The following FRAS1 variants were observed in gnomAD, a reference collection of about 807,000 sequenced individuals.
The protein encoded by FRAS1 is extracellular matrix organizing protein FRAS1.
A neutral mutation model predicts 435.2 loss-of-function variants in FRAS1; 290 were observed. The ratio of observed to expected loss-of-function variants is 0.67; its 90% CI spans 0.61 to 0.73. FRAS1 has a LOEUF of 0.73. Ranked by LOEUF, FRAS1 falls within the 30% of genes least tolerant of loss-of-function variation. The pLI is 0.00. For missense variants in FRAS1, 4,860 were observed against 5,001.5 expected, an observed-to-expected ratio of 0.97 and a Z score of 0.85; for synonymous variants, 1,800 against 1,851.0, an observed-to-expected ratio of 0.97 and a Z score of 0.71.
chr4:78,213,244 C>A (rs1723593903), intron 2 of FRAS1, among the ~76,000 whole-genome samples: 1 of 152,220 alleles, frequency 6.6e-6, no homozygotes, highest in Admixed American at 6.5e-5. Context: ...ATCCATACAT[C>A]CCTCAAGGTT....
At chr4:78,064,029 C>T (rs1739877358) in intron 1 of FRAS1, among the ~76,000 whole-genome samples, 1 of 151,750 alleles carries the variant, frequency 6.6e-6, no homozygotes, top group African/African-American at 2.4e-5. Flanking sequence ...TTTTAGTACA[C>T]ACATCACACA....
intron 1 of FRAS1, among the ~76,000 whole-genome samples, chr4:78,065,058 G>A (rs1346399622): frequency 2.5e-5 from 3 of 119,910 alleles, no homozygotes; most frequent in African/African-American, 6.5e-5. Context: ...GTTTTATAGT[G>A]TATATATATA....
At chr4:78,138,687 C>A (rs548066801) in intron 2 of FRAS1, among the ~76,000 whole-genome samples, 1 of 152,102 alleles carries the variant, frequency 6.6e-6, no homozygotes, top group East Asian at 1.9e-4. Flanking sequence ...AGTATCTCTC[C>A]CCTAGGGTTG....
rs1720939554 is a variant in FRAS1, at chr4:78,508,939, G to A, written c.9713G>A (p.Gly3238Asp). The change falls in exon 63 of 74, where the codon GGC becomes GAC. Residue 3238 changes from glycine to aspartate, a missense_variant. Transcript: ENST00000512123. ...TGGGAAGTGGCTGCCCCCACTGATG[G>A]CAATGGGGCCCGGTCTCCCTTTGAA... ...FSWEVAAPTD[G>D]NGARSPFETI... is the part of the protein sequence containing the mutation. 1 of 1,613,804 alleles carries A rather than the reference G, an allele frequency of 6.2e-7. No individual in the cohort carries two copies. Among genetic ancestry groups the A allele is most frequent in the Admixed American group, 1.7e-5 (1 of 59,994 alleles).
At chr4:78,356,826 C>A (rs994818440) in intron 20 of FRAS1, among the ~76,000 whole-genome samples, 4 of 152,028 alleles carry the variant, frequency 2.6e-5, no homozygotes, top group Non-Finnish European at 5.9e-5. Context: ...TCATTTAAAT[C>A]TATAACAAAA....
In FRAS1 at chr4:78,057,711, G is replaced by A. The variant is rs778044032; in HGVS notation, c.-299G>A. ...CAACTTTCCGGCGAGATTTTGACGC[G>A]GAGAACTGTGCTCTGCCTCCTCTTA... On this transcript the variant is annotated 5_prime_UTR_variant, in exon 1 of 74. Transcript: ENST00000512123. This position sits in a 1 kb window ranked among gnomAD's most constrained non-coding sequence, Gnocchi z 4.2. 4.5e-6 allele frequency: 2 copies of A among 439,610 alleles called. No homozygotes were observed. The allele number at this position is 439,610 out of a possible 1,614,324, so 27.2% of individuals were successfully genotyped here. A position where few individuals can be genotyped will look rare whatever the true frequency, so the allele number is the denominator to read the frequency against.
chr4:78,209,050 T>G (rs1723389867), intron 2 of FRAS1, among the ~76,000 whole-genome samples: 1 of 151,630 alleles, frequency 6.6e-6, no homozygotes, highest in Non-Finnish European at 1.5e-5. Flanking sequence ...GAGGCTGAGG[T>G]GGGAGGATTT....
At chr4:78,475,297 C>A in intron 53 of FRAS1, 141 bp from the exon 54 acceptor site, 1 of 774,682 alleles carries the variant, frequency 1.3e-6, no homozygotes. Context: ...CAATTTACAG[C>A]CTGGATTCTT....
At chr4:78,438,451 CA>C in intron 38 of FRAS1, 118 bp from the exon 39 acceptor site, 1 of 968,340 alleles carries the variant, frequency 1.0e-6, no homozygotes, top group Admixed American at 2.8e-5. Flanking sequence ...GACTTTAAGA[CA>C]AAGAGAAAGA....
chr4:78,269,360 G>A (rs1285187163), intron 9 of FRAS1, among the ~76,000 whole-genome samples: 1 of 152,226 alleles, frequency 6.6e-6, no homozygotes, highest in African/African-American at 2.4e-5. Flanking sequence ...CACAGTGGAA[G>A]TGCCCTTTTG....
At chr4:78,059,873 C>T (rs1346902855) in intron 1 of FRAS1, among the ~76,000 whole-genome samples, 3 of 31,720 alleles carry the variant, frequency 9.5e-5, no homozygotes, top group Non-Finnish European at 1.8e-4. Context: ...GCACAGAAAG[C>T]TGGGGGTAGA....
chr4:78,406,508 A>G (rs915505141), intron 30 of FRAS1, among the ~76,000 whole-genome samples: 3 of 152,194 alleles, frequency 2.0e-5, no homozygotes, highest in African/African-American at 7.2e-5. Context: ...TAAACCCATC[A>G]GATCTCGTGA....
chr4:78,286,570 G>A (rs1192026593), intron 14 of FRAS1, 31 bp downstream of exon 14: 1 of 1,605,708 alleles, frequency 6.2e-7, no homozygotes, highest in Admixed American at 1.7e-5. Flanking sequence ...AGTTGGGCCA[G>A]CTACCAAGAC....
intron 2 of FRAS1, among the ~76,000 whole-genome samples, chr4:78,122,269 T>G (rs1347692887): frequency 1.3e-5 from 2 of 152,200 alleles, no homozygotes; most frequent in Non-Finnish European, 2.9e-5. Flanking sequence ...GAATGATGGT[T>G]TCCAGCTTCA....
chr4:78,319,096 C>T, intron 18 of FRAS1, 110 bp downstream of exon 18: 1 of 1,116,136 alleles, frequency 9.0e-7, no homozygotes, highest in South Asian at 1.4e-5. Flanking sequence ...AGAATGGTTC[C>T]TAGATGCTTG....
At chr4:78,369,020 G>A (rs72867921) in intron 22 of FRAS1, among the ~76,000 whole-genome samples, 156 of 152,300 alleles carry the variant, frequency 1.0e-3, no homozygotes, top group African/African-American at 3.4e-3. Flanking sequence ...ATTGCAAGGG[G>A]GTCAGAGCGG....
chr4:78,454,754 G>T (rs1719136572), intron 47 of FRAS1, among the ~76,000 whole-genome samples: 1 of 152,162 alleles, frequency 6.6e-6, no homozygotes, highest in Non-Finnish European at 1.5e-5. Flanking sequence ...AGCAGCCCCA[G>T]CTCTTCCCTG....
At chr4:78,213,663 T>G (rs1428046717) in intron 2 of FRAS1, among the ~76,000 whole-genome samples, 2 of 152,204 alleles carry the variant, frequency 1.3e-5, no homozygotes, top group Non-Finnish European at 2.9e-5. Flanking sequence ...GGTGATTTTT[T>G]TTTTACTGGA....
intron 42 of FRAS1, 84 bp from the exon 43 acceptor site, chr4:78,446,642 TA>T: frequency 6.7e-7 from 1 of 1,496,162 alleles, no homozygotes; most frequent in South Asian, 1.4e-5. Flanking sequence ...AACATTTCTG[TA>T]GCAATGATAC....
Sources: allele counts gnomAD v4.1 joint callset (sites outside exome capture counted in the v4.1 genomes callset), GRCh38; gene constraint gnomAD v4.1.1; non-coding constraint Gnocchi (gnomAD v3.1); transcripts MANE v1.5; gene names NCBI Gene and HGNC (gene_info 2026-07-23, HGNC 2026-07-21).